The following DNM3 variants were observed in gnomAD, a reference collection of about 807,000 sequenced individuals.
DNM3 encodes dynamin 3.
DNM3 carries 47 observed loss-of-function variants against 101.6 expected under a neutral mutation model. The ratio of observed to expected loss-of-function variants is 0.46; its 90% CI spans 0.37 to 0.59. The LOEUF (loss-of-function observed/expected upper bound fraction) is 0.59. DNM3 is among the 20% of genes least tolerant of loss of function. The pLI is 0.00. For synonymous variants in DNM3, 385 were observed against 387.9 expected (o/e 0.99, Z 0.09); for missense variants, 849 against 1,085.7 (o/e 0.78, Z 3.06).
At chr1:172,416,246 T>C (rs1218729791), downstream of DNM3, among the ~76,000 whole-genome samples, 1 of 152,224 alleles carries the variant, frequency 6.6e-6, no homozygotes, top group African/African-American at 2.4e-5. Flanking sequence ...TTTGTAGCTC[T>C]ACATGTAAAA....
intron 17 of DNM3, among the ~76,000 whole-genome samples, chr1:172,330,494 AC>A (rs1165704540): frequency 2.6e-5 from 4 of 152,118 alleles, no homozygotes; most frequent in Non-Finnish European, 5.9e-5. Context: ...GGTACAAAAT[AC>A]CCATGTAACA....
intron 14 of DNM3, among the ~76,000 whole-genome samples, chr1:172,207,356 G>T (rs918004947): frequency 6.6e-5 from 10 of 152,054 alleles, no homozygotes; most frequent in Admixed American, 2.6e-4. Flanking sequence ...AGGTCAAAAG[G>T]TCATTTTAGG....
intron 1 of DNM3, among the ~76,000 whole-genome samples, chr1:171,855,133 T>C (rs150808549): frequency 3.1e-4 from 47 of 152,334 alleles, no homozygotes; most frequent in South Asian, 2.3e-3. Context: ...AGGCAACATT[T>C]GGTTGTCTGT....
intron 1 of DNM3, among the ~76,000 whole-genome samples, chr1:171,869,053 G>T (rs2035033188): frequency 6.6e-6 from 1 of 152,236 alleles, no homozygotes; most frequent in South Asian, 2.1e-4. Flanking sequence ...AAAGTGCTGG[G>T]ATTACAGGCG....
intron 14 of DNM3, among the ~76,000 whole-genome samples, chr1:172,141,240 A>G (rs2057560678): frequency 6.6e-6 from 1 of 152,134 alleles, no homozygotes; most frequent in South Asian, 2.1e-4. Flanking sequence ...ACCTTTGAAA[A>G]TGAGTAAATA....
At chr1:171,911,988 C>T (rs2039346548) in intron 1 of DNM3, among the ~76,000 whole-genome samples, 1 of 152,046 alleles carries the variant, frequency 6.6e-6, no homozygotes, top group South Asian at 2.1e-4. Flanking sequence ...CTTACCTAGG[C>T]CAAATGAGGA....
At position 171,911,251 on chromosome 1, in the gene DNM3, A is replaced by T. The variant is rs1040768678; in HGVS notation, c.162-10497A>T. Among the ~76,000 whole-genome samples, 5 of 149,612 alleles carry T rather than the reference A, an allele frequency of 3.3e-5. 1 individual carries two copies. In the Admixed American group the frequency reaches 3.3e-4, roughly 10 times the overall value. ...CTACACTTTTTTGGCTTCCAATTAA[A>T]TACCTCACTTTACCCCAACATCTTT... On this transcript the variant is annotated intron_variant, in intron 1 of 20. Coordinates refer to ENST00000627582, the MANE Select transcript of DNM3 (RefSeq NM_015569.5).
intron 4 of DNM3, among the ~76,000 whole-genome samples, chr1:172,029,072 A>T (rs144827681): frequency 0.01 from 1,563 of 152,366 alleles, 27 homozygotes; most frequent in African/African-American, 0.034. Context: ...GGCCAGCATC[A>T]TCCTGATACC....
At chr1:172,304,213 A>AAAAAAAAAAAAC (rs1553227989) in intron 15 of DNM3, among the ~76,000 whole-genome samples, 2 of 133,510 alleles carry the variant, frequency 1.5e-5, no homozygotes, top group African/African-American at 6.7e-5. Flanking sequence ...AAGCAAAAAA[A>AAAAAAAAAAAAC]AAAAAAAAAC....
intron 14 of DNM3, among the ~76,000 whole-genome samples, chr1:172,240,000 G>A (rs759930196): frequency 6.6e-6 from 1 of 151,554 alleles, no homozygotes; most frequent in Non-Finnish European, 1.5e-5. Context: ...TTAAATACAG[G>A]GCTGAGTCTC....
chr1:171,924,258 T>C (rs1420397246), intron 2 of DNM3, among the ~76,000 whole-genome samples: 2 of 152,244 alleles, frequency 1.3e-5, no homozygotes, highest in African/African-American at 2.4e-5. Flanking sequence ...TTCTCTATAC[T>C]GTTTTCCATA....
chr1:171,902,498 G>A (rs1254808089), intron 1 of DNM3, among the ~76,000 whole-genome samples: 2 of 152,166 alleles, frequency 1.3e-5, no homozygotes, highest in African/African-American at 2.4e-5. Context: ...CTAGACAATG[G>A]CTTAAAATCA....
rs2068433671 is a variant in DNM3, at chr1:172,373,171, A to T, written c.1894-5847A>T. ...TAGAAATTTTGAAGCCATGGTTAAA[A>T]AAAGAGAAATTTGAGGGACAATGTA... On this transcript the variant is annotated intron_variant, in intron 17 of 20. Transcript: ENST00000627582. Among the ~76,000 whole-genome samples, 3 of 152,134 alleles carry T rather than the reference A, an allele frequency of 2.0e-5. No homozygotes were observed. In the South Asian group the frequency reaches 6.2e-4, roughly 31 times the overall value.
intron 13 of DNM3, among the ~76,000 whole-genome samples, chr1:172,107,374 T>C (rs571746721): frequency 6.6e-6 from 1 of 150,918 alleles, no homozygotes; most frequent in Non-Finnish European, 1.5e-5. Context: ...TGAAACTCAA[T>C]ATAGTTACTA....
At chr1:172,087,155 A>G (rs1488920594) in intron 12 of DNM3, among the ~76,000 whole-genome samples, 1 of 152,126 alleles carries the variant, frequency 6.6e-6, no homozygotes, top group Non-Finnish European at 1.5e-5. Flanking sequence ...ACCACCGTTA[A>G]TCACTCCTTC....
intron 2 of DNM3, among the ~76,000 whole-genome samples, chr1:171,953,335 A>G (rs371888495): frequency 6.6e-6 from 1 of 152,136 alleles, no homozygotes; most frequent in African/African-American, 2.4e-5. Flanking sequence ...TAGTCAAGTC[A>G]TCTGGCACTT....
chr1:172,069,648 T>C (rs752758967), intron 11 of DNM3, among the ~76,000 whole-genome samples: 5 of 152,240 alleles, frequency 3.3e-5, no homozygotes, highest in Non-Finnish European at 5.9e-5. Context: ...CAAATGGTTT[T>C]ACATACCCTT....
chr1:172,178,515 A>G (rs1043000371), intron 14 of DNM3, among the ~76,000 whole-genome samples: 13 of 151,874 alleles, frequency 8.6e-5, no homozygotes, highest in African/African-American at 3.1e-4. Context: ...TAAGTCAGAG[A>G]ATCCACAAGT....
At chr1:172,185,045 G>A (rs1414364913) in intron 14 of DNM3, among the ~76,000 whole-genome samples, 3 of 152,038 alleles carry the variant, frequency 2.0e-5, no homozygotes, top group African/African-American at 4.8e-5. Flanking sequence ...TGGAAACTTA[G>A]TCAACACATA....
Sources: gnomAD v4.1 joint callset for allele counts (sites outside exome capture counted in the v4.1 genomes callset) on GRCh38, gnomAD v4.1.1 for gene constraint, MANE v1.5 for transcripts, NCBI Gene and HGNC (gene_info 2026-07-23, HGNC 2026-07-21) for gene names.